Variants in TUT4 observed in about 807,000 individuals in gnomAD.
TUT4 encodes the protein terminal uridylyltransferase 4.
TUT4 carries 36 observed loss-of-function variants against 192.2 expected under a neutral mutation model. The ratio of observed to expected loss-of-function variants is 0.19; its 90% CI spans 0.14 to 0.25. TUT4 has a LOEUF of 0.25. TUT4 is among the 10% of genes least tolerant of loss of function. TUT4 has a pLI of 1.00. For missense variants in TUT4, 1,493 were observed against 1,957.2 expected, an observed-to-expected ratio of 0.76 and a Z score of 4.47; for synonymous variants, 618 against 666.0, an observed-to-expected ratio of 0.93 and a Z score of 1.11.
intron 2 of TUT4, among the ~76,000 whole-genome samples, chr1:52,517,698 C>A (rs58000667): frequency 0.067 from 10,179 of 152,128 alleles, 1,127 homozygotes; most frequent in African/African-American, 0.23. Context: ...AATATTGATG[C>A]ACTATAAGCA....
chr1:52,430,096 A>G (rs1267360256), intron 28 of TUT4, among the ~76,000 whole-genome samples: 5 of 152,038 alleles, frequency 3.3e-5, no homozygotes, highest in Non-Finnish European at 5.9e-5. Flanking sequence ...AATTGAGATG[A>G]TAGATGATTT....
At chr1:52,472,217 C>T in intron 13 of TUT4, 115 bp from the exon 14 acceptor site, 1 of 1,024,418 alleles carries the variant, frequency 9.8e-7, no homozygotes, top group Non-Finnish European at 1.4e-6. Flanking sequence ...CCTGTGCTTT[C>T]AGGAGGTAAT....
At chr1:52,434,984 T>G (rs1478694836) in intron 27 of TUT4, 1 of 155,516 alleles carries the variant, frequency 6.4e-6, no homozygotes, top group Non-Finnish European at 1.4e-5. Context: ...GCCATGTATA[T>G]ATTGCCCTAA....
In TUT4 at chr1:52,429,557, A is replaced by AAT. The variant is rs59994947; in HGVS notation, c.4711+1454_4711+1455dup. Among the ~76,000 whole-genome samples the AAT allele has an allele frequency of 1.3e-3, 190 of 146,690 alleles. 1 individual carries two copies. Among genetic ancestry groups the AAT allele is most frequent in the East Asian group, 5.4e-3 (27 of 5,036 alleles). ...GGACAACACTTTGAGACTTTGTCTA[A>AAT]ATATATATATATATATACTTTTTTT... On this transcript the variant is annotated intron_variant, in intron 28 of 29. Coordinates refer to ENST00000257177, the MANE Select transcript of TUT4 (RefSeq NM_001009881.3).
intron 1 of TUT4, among the ~76,000 whole-genome samples, chr1:52,551,527 A>G (rs1689424473): frequency 6.6e-6 from 1 of 152,260 alleles, no homozygotes; most frequent in Non-Finnish European, 1.5e-5. Flanking sequence ...TGTTTATAAA[A>G]GCAACATAGC....
Position 52,521,596 on chromosome 1 carries a change from T to C in TUT4, c.718+3967A>G, listed in dbSNP as rs115396875. ...ACAAGAATCACTTAAGCCCAGGAGG[T>C]AGAAGTTACAGTGAGCTGTGATCGC... On this transcript the variant is annotated intron_variant, in intron 2 of 29. Coordinates refer to ENST00000257177, the MANE Select transcript of TUT4 (RefSeq NM_001009881.3). Among the ~76,000 whole-genome samples the C allele has an allele frequency of 5.9e-3, 889 of 151,346 alleles. 10 individuals are homozygous for C. The highest frequency in any genetic ancestry group is 0.02 in the African/African-American group (837 of 41,236).
At chr1:52,488,868 T>A in intron 9 of TUT4, 41 bp downstream of exon 9, 1 of 1,569,756 alleles carries the variant, frequency 6.4e-7, no homozygotes, top group Non-Finnish European at 8.6e-7. Flanking sequence ...TACATTTCCT[T>A]CTAAAAATAT....
rs372269556 is a variant in TUT4, at chr1:52,429,355, T to C, written c.4711+1658A>G. On this transcript the variant is annotated intron_variant, in intron 28 of 29. Coordinates refer to ENST00000257177, the MANE Select transcript of TUT4 (RefSeq NM_001009881.3). ...CCGCCTCAGCCTCCCAAAGTGCTAA[T>C]AGTTCTTAAGATAAAAATAATTATC... 1.3e-3 allele frequency among the ~76,000 whole-genome samples: 203 copies of C among 151,680 alleles called. 2 individuals carry two copies. Among genetic ancestry groups the C allele is most frequent in the Non-Finnish European group, 2.7e-4 (18 of 67,876 alleles).
intron 19 of TUT4, among the ~76,000 whole-genome samples, chr1:52,459,451 T>C (rs1433436462): frequency 6.6e-6 from 1 of 152,006 alleles, no homozygotes; most frequent in Non-Finnish European, 1.5e-5. Context: ...TAGTTGGGCA[T>C]GGTGGCACAC....
At chr1:52,475,846 GT>G (rs997442956) in intron 12 of TUT4, among the ~76,000 whole-genome samples, 17 of 147,732 alleles carry the variant, frequency 1.2e-4, no homozygotes, top group East Asian at 3.9e-4. Context: ...GGAAAAAGGA[GT>G]TTTTTTTTTT....
intron 4 of TUT4, among the ~76,000 whole-genome samples, chr1:52,509,075 C>T (rs1676402309): frequency 6.6e-6 from 1 of 152,166 alleles, no homozygotes; most frequent in South Asian, 2.1e-4. Context: ...CTCCCACTTA[C>T]CCTTCTAGGC....
rs946473842 is a variant in TUT4 at position 52,528,049 on chromosome 1, C to T, written c.-93-1676G>A. ...AAAATTAGCCGGGTACAGTGGTGGGCGCCTGTAAAATCCTACCTATTTAAG... is the reference window on the plus strand; with the variant it reads ...AAAATTAGCCGGGTACAGTGGTGGGTGCCTGTAAAATCCTACCTATTTAAG... On this transcript the variant is annotated intron_variant, in intron 1 of 29. Coordinates refer to ENST00000257177, the MANE Select transcript of TUT4 (RefSeq NM_001009881.3). 5.3e-5 allele frequency among the ~76,000 whole-genome samples: 8 copies of T among 151,338 alleles called. No individual in the cohort carries two copies. The South Asian group carries it at 6.3e-4, about 12-fold the overall frequency.
chr1:52,492,748 G>GA (rs1671490728), intron 7 of TUT4, among the ~76,000 whole-genome samples: 1 of 152,160 alleles, frequency 6.6e-6, no homozygotes, highest in African/African-American at 2.4e-5. Flanking sequence ...CCTGGTTTGA[G>GA]AATCTTGTAA....
intron 1 of TUT4, among the ~76,000 whole-genome samples, chr1:52,541,528 T>C (rs1384720715): frequency 3.4e-5 from 5 of 147,804 alleles, no homozygotes; most frequent in African/African-American, 1.3e-4. Flanking sequence ...CGAGACTCCG[T>C]CTCAAAAAAA....
intron 18 of TUT4, 80 bp from the exon 19 acceptor site, chr1:52,461,303 C>A: frequency 1.5e-6 from 2 of 1,330,334 alleles, no homozygotes; most frequent in Non-Finnish European, 2.1e-6. Flanking sequence ...GTAAAATACA[C>A]TCCAAATACA....
At chr1:52,458,521 C>T in intron 19 of TUT4, 72 bp from the exon 20 acceptor site, 1 of 1,170,222 alleles carries the variant, frequency 8.5e-7, no homozygotes, top group East Asian at 2.4e-5. Flanking sequence ...AACATTCTGC[C>T]ACATCATTTT....
chr1:52,471,329 T>C (rs1371269060), intron 14 of TUT4, among the ~76,000 whole-genome samples: 1 of 152,226 alleles, frequency 6.6e-6, no homozygotes, highest in African/African-American at 2.4e-5. Flanking sequence ...TATGCTTTTA[T>C]GCATAATCTT....
intron 9 of TUT4, among the ~76,000 whole-genome samples, chr1:52,486,458 A>G (rs182443957): frequency 2.6e-5 from 4 of 152,298 alleles, no homozygotes; most frequent in Non-Finnish European, 5.9e-5. Context: ...TCACAGTTAT[A>G]AGAGTAAATT....
intron 4 of TUT4, among the ~76,000 whole-genome samples, chr1:52,508,055 C>T (rs1479775418): frequency 6.6e-6 from 1 of 152,158 alleles, no homozygotes; most frequent in East Asian, 1.9e-4. Context: ...TCAAGCAACT[C>T]ACCTGCCTCA....
Sources: gnomAD v4.1 joint callset for allele counts (sites outside exome capture counted in the v4.1 genomes callset) on GRCh38, gnomAD v4.1.1 for gene constraint, MANE v1.5 for transcripts, NCBI Gene and HGNC (gene_info 2026-07-23, HGNC 2026-07-21) for gene names.